Variants in DCLRE1B observed in about 807,000 individuals in gnomAD.
The protein encoded by DCLRE1B is 5' exonuclease Apollo.
In DCLRE1B, 6 loss-of-function variants were observed where a neutral mutation model predicts 19.8. The ratio of observed to expected loss-of-function variants is 0.30; its 90% confidence interval spans 0.17 to 0.60. DCLRE1B has a LOEUF of 0.60. Among genes scored for constraint, DCLRE1B ranks in the 20% least tolerant of loss-of-function variants. DCLRE1B has a pLI of 0.87. For missense variants in DCLRE1B, 622 were observed against 654.2 expected (o/e 0.95, Z 0.54); for synonymous variants, 258 against 255.7 (o/e 1.01, Z -0.09).
intron 2 of DCLRE1B, among the ~76,000 whole-genome samples, chr1:113,907,732 C>G (rs1397619038): frequency 6.6e-6 from 1 of 152,172 alleles, no homozygotes; most frequent in Non-Finnish European, 1.5e-5. Flanking sequence ...GCTCGGCCCC[C>G]CAAAGTGCTG....
upstream of DCLRE1B, chr1:113,904,778 G>T (rs1668763318): frequency 1.5e-6 from 2 of 1,355,510 alleles, no homozygotes; most frequent in Non-Finnish European, 2.1e-6. Flanking sequence ...GCTCCTTCTC[G>T]TCCTGATGTG....
intron 1 of DCLRE1B, among the ~76,000 whole-genome samples, chr1:113,906,205 C>G (rs770754061): frequency 6.6e-6 from 1 of 151,606 alleles, no homozygotes; most frequent in East Asian, 1.9e-4. Flanking sequence ...TACAGGCGCA[C>G]GCCACCACGC....
Position 113,911,866 on chromosome 1 carries a change from T to A in DCLRE1B, c.1274T>A (p.Leu425Ter). 2 of 1,614,216 alleles carry A rather than the reference T, an allele frequency of 1.2e-6. No individual in the cohort carries two copies. Among genetic ancestry groups the A allele is most frequent in the South Asian group, 2.2e-5 (2 of 91,090 alleles). ...GAGTCTCAAAAGAGGGTGACTATGT[T>A]GACGGCCCCACTGGGATTTTCAGTG... ...FCESQKRVTMLTAPLGFSVHL... is the reference protein window; with the variant it reads ...FCESQKRVTM Residue 425 changes from leucine to a stop codon, truncating the protein, a stop_gained, in exon 4 of 4, where the codon TTG becomes TAG. Transcript: ENST00000650450. LOFTEE classifies it low-confidence loss of function (END_TRUNC).
At chr1:113,906,457 T>C (rs897520362) in intron 1 of DCLRE1B, among the ~76,000 whole-genome samples, 15 of 150,366 alleles carry the variant, frequency 1.0e-4, no homozygotes, top group African/African-American at 3.7e-4. Context: ...AGATCAGGAG[T>C]AAGTTTGGGA....
rs1571613492 is a variant in DCLRE1B, at chr1:113,911,688, G to A, written c.1096G>A (p.Ala366Thr). ...SPEESADQSQ[A>T]DRDSKKAKKE... ...TGAGGAAAGTGCTGATCAATCTCAA[G>A]CTGACAGAGACTCAAAGAAGGCCAA... is the stretch of plus-strand genomic sequence containing the variant. Residue 366 changes from alanine (A) to threonine (T), a missense_variant, in exon 4 of 4, where the codon GCT (alanine) becomes ACT (threonine). Physicochemically the swap from Ala to Thr is moderately conservative, Grantham distance 58. Around this residue, in one of 3 missense-constraint regions of DCLRE1B, gnomAD observed 382 missense variants for 412.5 expected, o/e 0.93. Transcript: ENST00000650450. The A allele has an allele frequency of 6.2e-7, 1 of 1,613,796 alleles. No homozygotes were observed. Among genetic ancestry groups the A allele is most frequent in the East Asian group, 2.2e-5 (1 of 44,868 alleles).
Position 113,908,184 on chromosome 1 carries a change from A to G in DCLRE1B, c.531A>G (p.Ile177Met). The G allele has an allele frequency of 6.2e-7, 1 of 1,613,300 alleles. No individual in the cohort carries two copies. The highest frequency in any genetic ancestry group is 8.5e-7 in the Non-Finnish European group (1 of 1,179,656). The change falls in exon 3 of 4, where the codon ATA becomes ATG. Residue 177 changes from isoleucine (I) to methionine (M), a missense_variant. Physicochemically the swap from Ile to Met is conservative, Grantham distance 10. This residue lies in a region of DCLRE1B where 237 missense variants were observed against 223.8 expected (regional missense o/e 1.06). Coordinates refer to ENST00000650450, the MANE Select transcript of DCLRE1B (RefSeq NM_022836.4). ...TTCGAAAACACCCACAACATAACATAAAGATTGGTGAGTTGTTTCCTTTCA... is the reference window on the plus strand; with the variant it reads ...TTCGAAAACACCCACAACATAACATGAAGATTGGTGAGTTGTTTCCTTTCA... Reference protein sequence around the residue: ...QLIRKHPQHNIKIGLYSLGKE... With the variant: ...QLIRKHPQHNMKIGLYSLGKE...
chr1:113,908,224 G>T, intron 3 of DCLRE1B, 33 bp downstream of exon 3: 1 of 1,598,128 alleles, frequency 6.3e-7, no homozygotes. Context: ...CCTGTCACCT[G>T]TAGATAGTGA....
At chr1:113,907,232 T>C in intron 2 of DCLRE1B, 71 bp downstream of exon 2, 1 of 1,219,872 alleles carries the variant, frequency 8.2e-7, no homozygotes, top group Non-Finnish European at 1.1e-6. Context: ...TTTTTTTTTT[T>C]TTAATGTATA....
In DCLRE1B at chr1:113,905,520, TG is replaced by T. The variant is rs1448483994; in HGVS notation, c.-65del. Reference sequence around the variant, plus strand: ...CATGACTTTTATCGGGACGCCGTTGTGGAAGCCTCACGCAGGAGCCCTGCCC... The same window carrying T: ...CATGACTTTTATCGGGACGCCGTTGTGAAGCCTCACGCAGGAGCCCTGCCC... On this transcript the variant is annotated 5_prime_UTR_variant, in exon 1 of 4. It introduces an in-frame stop codon into an upstream open reading frame of the 5' UTR. Transcript: ENST00000650450. 6.5e-7 allele frequency: 1 copy of T among 1,536,912 alleles called. No individual in the cohort carries two copies.
At position 113,911,674 on chromosome 1, in the gene DCLRE1B, C is replaced by T; in HGVS notation, c.1082C>T (p.Ala361Val). The T allele has an allele frequency of 1.2e-6, 2 of 1,612,430 alleles. No individual in the cohort carries two copies. Among genetic ancestry groups the T allele is most frequent in the Admixed American group, 1.7e-5 (1 of 59,798 alleles). ...GTGTTTGAATCCCCTGAGGAAAGTGCTGATCAATCTCAAGCTGACAGAGAC... is the reference window on the plus strand; with the variant it reads ...GTGTTTGAATCCCCTGAGGAAAGTGTTGATCAATCTCAAGCTGACAGAGAC... ...GVVFESPEES[A>V]DQSQADRDSK... Residue 361 changes from alanine (A) to valine (V), a missense_variant, in exon 4 of 4, where the codon GCT (alanine) becomes GTT (valine). Coordinates refer to ENST00000650450, the MANE Select transcript of DCLRE1B (RefSeq NM_022836.4).
chr1:113,906,046 C>CTTT (rs1159693224), intron 1 of DCLRE1B, among the ~76,000 whole-genome samples: 4 of 68,108 alleles, frequency 5.9e-5, no homozygotes, highest in Non-Finnish European at 7.7e-5. Context: ...CCAAACTTGC[C>CTTT]TTTTTTTTTT....
At chr1:113,907,969 T>G in intron 2 of DCLRE1B, 40 bp from the exon 3 acceptor site, 2 of 1,581,974 alleles carry the variant, frequency 1.3e-6, no homozygotes, top group Non-Finnish European at 1.7e-6. Flanking sequence ...TTCTATTCTT[T>G]TGTCTCTGAC....
chr1:113,909,724 C>T (rs1002095088), intron 3 of DCLRE1B, among the ~76,000 whole-genome samples: 1 of 152,106 alleles, frequency 6.6e-6, no homozygotes, highest in Non-Finnish European at 1.5e-5. Context: ...ATGTAATAAG[C>T]CTCTACCCAC....
At chr1:113,905,168 C>A, upstream of DCLRE1B, 1 of 339,944 alleles carries the variant, frequency 2.9e-6, no homozygotes, top group South Asian at 2.7e-5. Context: ...TGCCGGTCTC[C>A]CCGCGAGCGA....
intron 3 of DCLRE1B, among the ~76,000 whole-genome samples, chr1:113,908,915 T>C (rs1669148269): frequency 6.6e-6 from 1 of 152,136 alleles, no homozygotes; most frequent in Non-Finnish European, 1.5e-5. Context: ...AGGCACACAG[T>C]GGGCAAGGAG....
intron 3 of DCLRE1B, among the ~76,000 whole-genome samples, chr1:113,908,750 A>G (rs765675887): frequency 2.0e-5 from 3 of 152,112 alleles, no homozygotes. Context: ...TAAATATGCT[A>G]TTGCTTACTT....
In DCLRE1B at chr1:113,912,044, C is replaced by T. The variant is rs778651014; in HGVS notation, c.1452C>T (p.Ser484=). 7 of 1,614,050 alleles carry T rather than the reference C, an allele frequency of 4.3e-6. No homozygotes were observed. The highest frequency in any genetic ancestry group is 5.9e-6 in the Non-Finnish European group (7 of 1,180,030). ...GGATGGGCCATGGTTCTCCCCTGTCCCACAGCAGCAAGGGCACCCCTCTTC... is the reference window on the plus strand; with the variant it reads ...GGATGGGCCATGGTTCTCCCCTGTCTCACAGCAGCAAGGGCACCCCTCTTC... ...SAWMGHGSPL[S]HSSKGTPLLA... Residue 484 remains serine (S), a synonymous_variant, in exon 4 of 4, where the codon TCC becomes TCT. Coordinates refer to ENST00000650450, the MANE Select transcript of DCLRE1B (RefSeq NM_022836.4).
chr1:113,905,473 T>C lies in DCLRE1B; in HGVS notation c.-114T>C, dbSNP rs1470494348. ...CTGCTGGGCTCTTTCCCTTAGGGTC[T>C]CTGGCCCTGTTCTTGCCCCAGCATG... On this transcript the variant is annotated 5_prime_UTR_variant, in exon 1 of 4. Transcript: ENST00000650450. 32 of 1,075,660 alleles carry C rather than the reference T, an allele frequency of 3.0e-5. No individual in the cohort carries two copies. Among genetic ancestry groups the C allele is most frequent in the Non-Finnish European group, 4.1e-5 (30 of 726,896 alleles). 66.6% of individuals were successfully genotyped at this position (1,075,660 alleles called of 1,614,324 possible). A position where few individuals can be genotyped will look rare whatever the true frequency, so the allele number is the denominator to read the frequency against.
rs1283977168 is a variant in DCLRE1B at position 113,905,478 on chromosome 1, C to T, written c.-109C>T. The T allele has an allele frequency of 2.6e-6, 3 of 1,135,944 alleles. No homozygotes were observed. The Admixed American group carries it at 6.3e-5, about 24-fold the overall frequency. The allele number at this position is 1,135,944 out of a possible 1,614,324, so 70.4% of individuals were successfully genotyped here. A position where few individuals can be genotyped will look rare whatever the true frequency, so the allele number is the denominator to read the frequency against. Reference sequence around the variant, plus strand: ...GGGCTCTTTCCCTTAGGGTCTCTGGCCCTGTTCTTGCCCCAGCATGACTTT... The same window carrying T: ...GGGCTCTTTCCCTTAGGGTCTCTGGTCCTGTTCTTGCCCCAGCATGACTTT... On this transcript the variant is annotated 5_prime_UTR_variant, in exon 1 of 4. Transcript: ENST00000650450.
Sources: gnomAD v4.1 joint callset for allele counts (sites outside exome capture counted in the v4.1 genomes callset) on GRCh38, gnomAD v4.1.1 for gene constraint, gnomAD v4.1.1 regional missense constraint, MANE v1.5 for transcripts, NCBI Gene and HGNC (gene_info 2026-07-23, HGNC 2026-07-21) for gene names.